HECTD4: variants seen among roughly 807,000 people sequenced by gnomAD.
HECTD4 encodes the protein probable E3 ubiquitin-protein ligase HECTD4.
HECTD4 carries 114 observed loss-of-function variants against 471.5 expected under a neutral mutation model. The observed-to-expected ratio is 0.24, with a 90% CI of 0.21 to 0.28. HECTD4 has a LOEUF of 0.28. Among genes scored for constraint, HECTD4 ranks in the 10% least tolerant of loss-of-function variants. The pLI, the probability that HECTD4 is intolerant of heterozygous loss-of-function variation, is 1.00. For missense variants in HECTD4, 3,866 were observed against 5,651.5 expected, an observed-to-expected ratio of 0.68 and a Z score of 10.13; for synonymous variants, 2,012 against 2,256.0, an observed-to-expected ratio of 0.89 and a Z score of 3.07.
At chr12:112,369,069 G>A (rs1011630059) in intron 1 of HECTD4, among the ~76,000 whole-genome samples, 1 of 152,110 alleles carries the variant, frequency 6.6e-6, no homozygotes, top group Non-Finnish European at 1.5e-5. Context: ...ACGGAGTAAG[G>A]AGTCATTGTT....
At chr12:112,197,671 T>C (rs2032286937) in intron 55 of HECTD4, among the ~76,000 whole-genome samples, 1 of 152,212 alleles carries the variant, frequency 6.6e-6, no homozygotes, top group Non-Finnish European at 1.5e-5. Flanking sequence ...CACTTGTAAG[T>C]TGATTGTAAC....
Position 112,163,423 on chromosome 12 carries a change from G to A in HECTD4, c.12897+119C>T, listed in dbSNP as rs2030782667. On this transcript the variant is annotated intron_variant, in intron 74 of 75. Transcript: ENST00000682272. This position sits in a 1 kb window ranked among gnomAD's most constrained non-coding sequence, Gnocchi z 8.2. ...ACAATGATGACAATGATACAGGTCT[G>A]TGGCAAGGACAGAGCTGAGACAGGC... 1 of 1,055,058 alleles carries A rather than the reference G, an allele frequency of 9.5e-7. No homozygotes were observed. Among genetic ancestry groups the A allele is most frequent in the Non-Finnish European group, 1.4e-6 (1 of 737,228 alleles). The allele number at this position is 1,055,058 out of a possible 1,614,324, so 65.4% of individuals were successfully genotyped here.
In HECTD4 at chr12:112,163,201, C is replaced by T; in HGVS notation, c.12961G>A (p.Ala4321Thr). 1.2e-6 allele frequency: 2 copies of T among 1,613,882 alleles called. No homozygotes were observed. Among genetic ancestry groups the T allele is most frequent in the Non-Finnish European group, 8.5e-7 (1 of 1,179,820 alleles). The change falls in exon 75 of 76, where the codon GCC becomes ACC. Residue 4321 changes from alanine (A) to threonine (T), a missense_variant. Transcript: ENST00000682272. The surrounding 1 kb of genome is among the most constrained non-coding windows in gnomAD (Gnocchi z 8.2). ...TCCTCCTGGGTGAACATCTCCAGGG[C>T]CCCCCAGAAGAACTCGATGTGCTGG... The part of the protein sequence containing the change: ...TDQHIEFFWG[A>T]LEMFTQEELC...
At chr12:112,286,886 T>G (rs775736156) in intron 7 of HECTD4, among the ~76,000 whole-genome samples, 7 of 152,218 alleles carry the variant, frequency 4.6e-5, no homozygotes, top group Non-Finnish European at 8.8e-5. Context: ...ACTCGCCTTC[T>G]GTCACACCTC....
At chr12:112,276,594 C>T (rs775284120) in intron 9 of HECTD4, among the ~76,000 whole-genome samples, 8 of 152,114 alleles carry the variant, frequency 5.3e-5, no homozygotes, top group African/African-American at 1.2e-4. Flanking sequence ...ACTACAGGCA[C>T]GCGCCACCAC....
chr12:112,247,821 A>C (rs1292629607), intron 27 of HECTD4, among the ~76,000 whole-genome samples: 1 of 152,126 alleles, frequency 6.6e-6, no homozygotes, highest in Non-Finnish European at 1.5e-5. Flanking sequence ...ACTTCTTTAT[A>C]TATCTTTATA....
intron 1 of HECTD4, among the ~76,000 whole-genome samples, chr12:112,346,724 G>A (rs1255758639): frequency 2.0e-5 from 3 of 152,168 alleles, no homozygotes; most frequent in African/African-American, 7.2e-5. Flanking sequence ...GTTGCTCTGA[G>A]AGTCATATTT....
At chr12:112,376,499 G>A (rs2036784454) in intron 1 of HECTD4, among the ~76,000 whole-genome samples, 2 of 152,124 alleles carry the variant, frequency 1.3e-5, no homozygotes, top group Admixed American at 6.5e-5. Context: ...GCCCGCCGTG[G>A]CCTCCCAAAG....
rs1471391372 is a variant in HECTD4 at position 112,188,087 on chromosome 12, G to C, written c.9473-2594C>G. Reference sequence around the variant, plus strand: ...GGGTCACCTGAGGTCAGGAGACTGAGACCAGCCTGGCTAACATGGTGAAAT... The same window carrying C: ...GGGTCACCTGAGGTCAGGAGACTGACACCAGCCTGGCTAACATGGTGAAAT... On this transcript the variant is annotated intron_variant, in intron 60 of 75. Transcript: ENST00000682272. The surrounding 1 kb of genome is among the most constrained non-coding windows in gnomAD (Gnocchi z 4.2). Among the ~76,000 whole-genome samples, 3 of 152,062 alleles carry C rather than the reference G, an allele frequency of 2.0e-5. No individual in the cohort carries two copies. The highest frequency in any genetic ancestry group is 7.2e-5 in the African/African-American group (3 of 41,430).
intron 20 of HECTD4, among the ~76,000 whole-genome samples, chr12:112,257,075 G>A (rs73207628): frequency 0.017 from 2,606 of 152,304 alleles, 27 homozygotes; most frequent in Non-Finnish European, 0.027. Context: ...TCTCAAGGAC[G>A]ACATGGAGCC....
rs143774351 is a variant in HECTD4, at chr12:112,290,327, AT to A, written c.1336-7026del. ...AAAGTGAGAGCTAGTCTCAAAAAAAATAATCAATCAATCAATCAATCATAGG... is the reference window on the plus strand; with the variant it reads ...AAAGTGAGAGCTAGTCTCAAAAAAAAAATCAATCAATCAATCAATCATAGG... On this transcript the variant is annotated intron_variant, in intron 7 of 75. Transcript: ENST00000682272. Among the ~76,000 whole-genome samples, 8,355 of 151,804 alleles carry A rather than the reference AT, an allele frequency of 0.055. 1,266 individuals carry two copies. The East Asian group carries it at 0.62, about 11-fold the overall frequency.
chr12:112,355,490 T>A (rs1170710873), intron 1 of HECTD4, among the ~76,000 whole-genome samples: 1 of 147,022 alleles, frequency 6.8e-6, no homozygotes, highest in Non-Finnish European at 1.5e-5. Context: ...CCAGGCACGG[T>A]GGCTCACACC....
intron 19 of HECTD4, chr12:112,258,806 C>G: frequency 1.8e-6 from 1 of 557,016 alleles, no homozygotes; most frequent in Non-Finnish European, 3.1e-6. Context: ...CTACTATTAG[C>G]TGGCAAGGAC....
Position 112,243,707 on chromosome 12 carries a change from C to T in HECTD4, c.4704G>A (p.Leu1568=). Residue 1568 remains leucine (L), a synonymous_variant, in exon 31 of 76, where the codon CTG becomes CTA. Coordinates refer to ENST00000682272, the MANE Select transcript of HECTD4 (RefSeq NM_001388303.1). This position sits in a 1 kb window ranked among gnomAD's most constrained non-coding sequence, Gnocchi z 6.6. ...RSSSFTLLQS[L]AIEDSRDKPT... is the part of the protein sequence containing the mutation. ...GCTTGTCCCTGCTGTCCTCAATGGC[C>T]AGCGACTGCAGGAGTGTAAAGGAGC... 6.2e-7 allele frequency: 1 copy of T among 1,613,906 alleles called. No individual in the cohort carries two copies. The highest frequency in any genetic ancestry group is 8.5e-7 in the Non-Finnish European group (1 of 1,179,826).
intron 9 of HECTD4, among the ~76,000 whole-genome samples, chr12:112,276,737 C>T (rs980849844): frequency 6.6e-6 from 1 of 152,166 alleles, no homozygotes; most frequent in Non-Finnish European, 1.5e-5. Flanking sequence ...AGCCACTGCG[C>T]CTGGCCAAAA....
intron 55 of HECTD4, among the ~76,000 whole-genome samples, chr12:112,198,227 G>A (rs1175015723): frequency 6.6e-6 from 1 of 152,244 alleles, no homozygotes; most frequent in African/African-American, 2.4e-5. Flanking sequence ...TCCTGACAAA[G>A]AGCGCATGGA....
At chr12:112,296,888 A>G (rs1309340174) in intron 7 of HECTD4, among the ~76,000 whole-genome samples, 1 of 148,050 alleles carries the variant, frequency 6.8e-6, no homozygotes, top group African/African-American at 2.5e-5. Context: ...GTGGAGGTGC[A>G]GTGGATGTAG....
In HECTD4 at chr12:112,319,641, G is replaced by A. The variant is rs2035546941; in HGVS notation, c.279C>T (p.Arg93=). The change falls in exon 2 of 76, where the codon CGC becomes CGT. Residue 93 remains arginine, a synonymous_variant. Transcript: ENST00000682272. The surrounding 1 kb of genome is among the most constrained non-coding windows in gnomAD (Gnocchi z 5.3). ...SNAYARLLEY[R]LNALRGLWNA... ...TCCACAGTCCTCGCAAGGCATTCAG[G>A]CGGTATTCCAGCAGCCGGGCATAGG... The A allele has an allele frequency of 1.2e-5, 16 of 1,367,602 alleles. No homozygotes were observed. Among genetic ancestry groups the A allele is most frequent in the East Asian group, 7.8e-5 (3 of 38,378 alleles). The allele number at this position is 1,367,602 out of a possible 1,614,324, so 84.7% of individuals were successfully genotyped here.
At chr12:112,307,528 A>G (rs1453031388) in intron 6 of HECTD4, among the ~76,000 whole-genome samples, 1 of 152,240 alleles carries the variant, frequency 6.6e-6, no homozygotes, top group East Asian at 1.9e-4. Flanking sequence ...TATAACTTCT[A>G]TTTCAAATGA....
Sources: allele counts gnomAD v4.1 joint callset (sites outside exome capture counted in the v4.1 genomes callset), GRCh38; gene constraint gnomAD v4.1.1; non-coding constraint Gnocchi (gnomAD v3.1); transcripts MANE v1.5; gene names NCBI Gene and HGNC (gene_info 2026-07-23, HGNC 2026-07-21).